Variants in TRAPPC8 observed in about 807,000 individuals in gnomAD.
TRAPPC8 encodes the protein general sporulation gene 1 homolog.
Under a neutral mutation model 174.3 loss-of-function variants are expected in TRAPPC8, and 54 were observed. That is an observed-to-expected ratio of 0.31 (90% CI 0.25 to 0.39). The LOEUF is 0.39. Among genes scored for constraint, TRAPPC8 ranks in the 10% least tolerant of loss-of-function variants. The pLI, the probability that TRAPPC8 is intolerant of heterozygous loss-of-function variation, is 1.00. For synonymous variants in TRAPPC8, 630 were observed against 579.9 expected (o/e 1.09, Z -1.24); for missense variants, 1,531 against 1,699.1 (o/e 0.90, Z 1.74).
chr18:31,932,728 T>A (rs2037901175), intron 1 of TRAPPC8, among the ~76,000 whole-genome samples: 1 of 152,054 alleles, frequency 6.6e-6, no homozygotes, highest in Admixed American at 6.6e-5. Flanking sequence ...ACGCCTGTAA[T>A]CCCAGCACTT....
chr18:31,855,556 C>A, intron 21 of TRAPPC8, 104 bp downstream of exon 21: 4 of 931,850 alleles, frequency 4.3e-6, no homozygotes, highest in Non-Finnish European at 6.4e-6. Context: ...TCCTAAAATC[C>A]CTAGCTTATG....
chr18:31,873,588 TTTTA>T lies in TRAPPC8; in HGVS notation c.1954-54_1954-51del, dbSNP rs557291645. 4,232 of 1,325,588 alleles carry T rather than the reference TTTTA, an allele frequency of 3.2e-3. 6 individuals carry two copies. The highest frequency in any genetic ancestry group is 4.0e-3 in the Non-Finnish European group (3,831 of 947,070). The allele number at this position is 1,325,588 out of a possible 1,614,324, so 82.1% of individuals were successfully genotyped here. ...AAAGTAGTTTTTGTGAAAATGGTATTTTTATTTGTTTCCTCGTTTCTTAATACAC... is the reference window on the plus strand; with the variant it reads ...AAAGTAGTTTTTGTGAAAATGGTATTTTTGTTTCCTCGTTTCTTAATACAC... On this transcript the variant is annotated intron_variant, in intron 13 of 28. Coordinates refer to ENST00000283351, the MANE Select transcript of TRAPPC8 (RefSeq NM_014939.5).
At chr18:31,917,983 G>A (rs112129517) in intron 2 of TRAPPC8, among the ~76,000 whole-genome samples, 9,118 of 151,990 alleles carry the variant, frequency 0.06, 292 homozygotes, top group Middle Eastern at 0.11. Flanking sequence ...AAAATTAGCC[G>A]GGCATGGTGG....
intron 26 of TRAPPC8, chr18:31,844,266 A>C (rs1489593419): frequency 6.6e-6 from 1 of 152,208 alleles, no homozygotes; most frequent in African/African-American, 2.4e-5. Flanking sequence ...ATATTGTATG[A>C]CTATTTACAT....
At position 31,830,779 on chromosome 18, in the gene TRAPPC8, G is replaced by A. The variant is rs1328782436; in HGVS notation, c.4284C>T (p.Ala1428=). The change falls in exon 29 of 29, where the codon GCC becomes GCT. Residue 1428 remains alanine (A), a synonymous_variant. Transcript: ENST00000283351. ...GTCACACATTACTGATGATGATCAG[G>A]GCAGGCATGGAATTCTGCTGACTTG... ...FETSQQNSMP[A]LIIISNV is the part of the protein sequence containing the mutation. The A allele has an allele frequency of 6.2e-7, 1 of 1,614,042 alleles. No individual in the cohort carries two copies. The highest frequency in any genetic ancestry group is 8.5e-7 in the Non-Finnish European group (1 of 1,179,982).
At chr18:31,942,472 G>A in intron 1 of TRAPPC8, 136 bp downstream of exon 1, 1 of 1,196,896 alleles carries the variant, frequency 8.4e-7, no homozygotes, top group South Asian at 2.0e-5. Flanking sequence ...GGAGCACCGC[G>A]GGGCCACAGC....
chr18:31,919,912 C>T (rs144246582), intron 2 of TRAPPC8, among the ~76,000 whole-genome samples: 150 of 151,884 alleles, frequency 9.9e-4, no homozygotes, highest in African/African-American at 3.4e-3. Context: ...TCCCAGAAAA[C>T]ATTACAATCT....
intron 5 of TRAPPC8, among the ~76,000 whole-genome samples, chr18:31,912,448 C>T (rs141364243): frequency 0.028 from 4,327 of 151,862 alleles, 210 homozygotes; most frequent in African/African-American, 0.098. Context: ...GCCAAGATCG[C>T]GCCATTGCAC....
At chr18:31,898,043 T>C (rs1232052576) in intron 10 of TRAPPC8, 152 bp from the exon 11 acceptor site, 4 of 534,422 alleles carry the variant, frequency 7.5e-6, no homozygotes, top group East Asian at 3.1e-5. Flanking sequence ...ATCCAAGGTT[T>C]GTCAAGTTCC....
intron 12 of TRAPPC8, among the ~76,000 whole-genome samples, chr18:31,884,898 G>C (rs1157572117): frequency 6.7e-6 from 1 of 149,274 alleles, no homozygotes; most frequent in Non-Finnish European, 1.5e-5. Context: ...GTGTAGCCCA[G>C]GCTGGAGTGC....
At position 31,830,824 on chromosome 18, in the gene TRAPPC8, G is replaced by T. The variant is rs1190180310; in HGVS notation, c.4239C>A (p.Asp1413Glu). ...GACTTGTTTCAAACACTGTAACTTG[G>T]TCCGATAACTTGGCAAATACCCTAG... is the stretch of plus-strand genomic sequence containing the variant. ...GTPRVFAKLS[D>E]QVTVFETSQQ... is the part of the protein sequence containing the mutation. The change falls in exon 29 of 29, where the codon GAC (aspartate) becomes GAA (glutamate). Residue 1413 changes from aspartate (D) to glutamate (E), a missense_variant. Asp to Glu is a conservative substitution (Grantham distance 45). Transcript: ENST00000283351. 1.2e-6 allele frequency: 2 copies of T among 1,614,116 alleles called. No individual in the cohort carries two copies. Among genetic ancestry groups the T allele is most frequent in the South Asian group, 2.2e-5 (2 of 91,084 alleles).
intron 11 of TRAPPC8, among the ~76,000 whole-genome samples, chr18:31,894,604 A>C (rs1281119919): frequency 6.6e-6 from 1 of 152,186 alleles, no homozygotes; most frequent in African/African-American, 2.4e-5. Context: ...TACAGGAAAA[A>C]AAAAATCACC....
At position 31,829,201 on chromosome 18, in the gene TRAPPC8, G is replaced by C. The variant is rs1382000429; in HGVS notation, c.*1554C>G. ...TGAGTAATATTCAGGAAGTAATTTT[G>C]AGTGCTTTATTACCTTTATTTTTAA... is the stretch of plus-strand genomic sequence containing the variant. On this transcript the variant is annotated 3_prime_UTR_variant, in exon 29 of 29. Transcript: ENST00000283351. 6.6e-6 allele frequency: 1 copy of C among 152,132 alleles called. No homozygotes were observed. Among genetic ancestry groups the C allele is most frequent in the Admixed American group, 6.5e-5 (1 of 15,282 alleles). The allele number at this position is 152,132 out of a possible 1,614,324, so 9.4% of individuals were successfully genotyped here.
rs1568132730 is a variant in TRAPPC8 at position 31,916,398 on chromosome 18, G to A, written c.491C>T (p.Ser164Leu). 6 of 1,613,608 alleles carry A rather than the reference G, an allele frequency of 3.7e-6. No individual in the cohort carries two copies. Among genetic ancestry groups the A allele is most frequent in the Non-Finnish European group, 4.2e-6 (5 of 1,179,852 alleles). ...TCGATGCTGTTCTTGTGACAACTTT[G>A]AAAACTGTTCCACAGGTTCAGCTTC... ...SSEAEPVEQF[S>L]KLSQEQHRIQ... The change falls in exon 4 of 29, where the codon TCA becomes TTA. Residue 164 changes from serine (S) to leucine (L), a missense_variant. Coordinates refer to ENST00000283351, the MANE Select transcript of TRAPPC8 (RefSeq NM_014939.5).
intron 24 of TRAPPC8, among the ~76,000 whole-genome samples, chr18:31,851,531 T>C (rs2033702984): frequency 6.6e-6 from 1 of 151,926 alleles, no homozygotes; most frequent in South Asian, 2.1e-4. Flanking sequence ...TTTTTTCTTT[T>C]AAGAGACAGG....
At chr18:31,834,962 AAT>A (rs1250970543) in intron 27 of TRAPPC8, among the ~76,000 whole-genome samples, 1 of 152,186 alleles carries the variant, frequency 6.6e-6, no homozygotes, top group Non-Finnish European at 1.5e-5. Flanking sequence ...TCCTCTCAAC[AAT>A]AGATGCTGTA....
rs184389054 is a variant in TRAPPC8 at position 31,868,510 on chromosome 18, G to A, written c.2389-1034C>T. On this transcript the variant is annotated intron_variant, in intron 16 of 28. Coordinates refer to ENST00000283351, the MANE Select transcript of TRAPPC8 (RefSeq NM_014939.5). The stretch of plus-strand genomic sequence containing the variant: ...TTAAAAAACGTTTCCAAGTTTAACC[G>A]CTCATACTGAGTATTCCAGGCACCC... Among the ~76,000 whole-genome samples, 269 of 152,108 alleles carry A rather than the reference G, an allele frequency of 1.8e-3. 2 individuals are homozygous for A. The highest frequency in any genetic ancestry group is 2.4e-3 in the Non-Finnish European group (162 of 67,990).
chr18:31,910,515 T>A (rs2145495745), intron 5 of TRAPPC8, among the ~76,000 whole-genome samples: 1 of 152,308 alleles, frequency 6.6e-6, no homozygotes, highest in Non-Finnish European at 1.5e-5. Context: ...TTTTGAAAGT[T>A]GTCTTAATGG....
intron 1 of TRAPPC8, among the ~76,000 whole-genome samples, chr18:31,934,302 C>T (rs7234341): frequency 0.36 from 54,196 of 151,534 alleles, 10,190 homozygotes; most frequent in South Asian, 0.57. Flanking sequence ...TGTCCTATAA[C>T]GTTTGATTTT....
Sources: allele counts gnomAD v4.1 joint callset (sites outside exome capture counted in the v4.1 genomes callset), GRCh38; gene constraint gnomAD v4.1.1; transcripts MANE v1.5; gene names NCBI Gene and HGNC (gene_info 2026-07-23, HGNC 2026-07-21).